SLC16A2: variants seen among roughly 807,000 people sequenced by gnomAD.
SLC16A2 encodes the protein monocarboxylate transporter 8.
A neutral mutation model predicts 27.2 loss-of-function variants in SLC16A2; 3 were observed. The observed-to-expected ratio is 0.11, with a 90% CI of 0.05 to 0.28. The LOEUF is 0.28. SLC16A2 is among the 10% of genes least tolerant of loss of function. The pLI, the probability that SLC16A2 is intolerant of heterozygous loss-of-function variation, is 1.00. For missense variants in SLC16A2, 295 were observed against 458.5 expected (o/e 0.64, Z 3.26); for synonymous variants, 202 against 187.8 (o/e 1.08, Z -0.62).
intron 1 of SLC16A2, among the ~76,000 whole-genome samples, chrX:74,501,034 G>A (rs754426512): frequency 1.9e-5 from 2 of 106,074 alleles, no homozygotes; most frequent in South Asian, 4.7e-4. Flanking sequence ...TGCAGTTTTC[G>A]CCATTGAGAG....
At chrX:74,463,774 G>A (rs903762842) in intron 1 of SLC16A2, among the ~76,000 whole-genome samples, 4 of 110,474 alleles carry the variant, frequency 3.6e-5, no homozygotes, top group Admixed American at 1.9e-4. Context: ...TGATCCACCC[G>A]CCTCTGTGTC....
chrX:74,467,238 T>G (rs762541288), intron 1 of SLC16A2, among the ~76,000 whole-genome samples: 2 of 111,650 alleles, frequency 1.8e-5, no homozygotes, highest in African/African-American at 6.5e-5. Context: ...CCCCTCATGA[T>G]ATAGACAGAG....
chrX:74,505,207 C>T (rs1268461666), intron 1 of SLC16A2, among the ~76,000 whole-genome samples: 1 of 111,439 alleles, frequency 9.0e-6, no homozygotes, highest in Non-Finnish European at 1.9e-5. Flanking sequence ...TGACAGAGGT[C>T]CCAGCCTTAT....
chrX:74,431,967 C>G (rs1341420940), intron 1 of SLC16A2, among the ~76,000 whole-genome samples: 1 of 111,867 alleles, frequency 8.9e-6, no homozygotes, highest in Non-Finnish European at 1.9e-5. Context: ...TAGCTAAATA[C>G]TAGCTGTGTT....
intron 1 of SLC16A2, among the ~76,000 whole-genome samples, chrX:74,431,023 T>C (rs1052931633): frequency 8.9e-5 from 10 of 112,987 alleles, no homozygotes; most frequent in Admixed American, 7.5e-4. Flanking sequence ...ATTACAGGCG[T>C]GTGCCACTGC....
At chrX:74,520,664 G>A (rs1233038715) in intron 1 of SLC16A2, among the ~76,000 whole-genome samples, 2 of 111,651 alleles carry the variant, frequency 1.8e-5, no homozygotes, top group East Asian at 2.8e-4. Context: ...CTGGAGACAA[G>A]CCTGACCTTA....
At chrX:74,514,106 G>C (rs1278550414) in intron 1 of SLC16A2, among the ~76,000 whole-genome samples, 1 of 111,430 alleles carries the variant, frequency 9.0e-6, no homozygotes, top group Non-Finnish European at 1.9e-5. Flanking sequence ...AACAAATGTA[G>C]CAAGATTGAA....
At chrX:74,434,700 C>T (rs1928590174) in intron 1 of SLC16A2, among the ~76,000 whole-genome samples, 1 of 111,138 alleles carries the variant, frequency 9.0e-6, no homozygotes, top group Non-Finnish European at 1.9e-5. Context: ...CAGCTCTCAA[C>T]CCCTCACTCT....
chrX:74,503,007 G>A (rs73494895), intron 1 of SLC16A2, among the ~76,000 whole-genome samples: 3 of 109,811 alleles, frequency 2.7e-5, no homozygotes, highest in African/African-American at 9.9e-5. Flanking sequence ...AATCCTGGCA[G>A]GTTCTTAGTG....
chrX:74,477,552 A>C (rs1929509331), intron 1 of SLC16A2, among the ~76,000 whole-genome samples: 1 of 111,170 alleles, frequency 9.0e-6, no homozygotes, highest in South Asian at 3.8e-4. Flanking sequence ...TTGCTTCTCT[A>C]GTTCTTTTAA....
At chrX:74,491,176 A>G (rs1929818435) in intron 1 of SLC16A2, among the ~76,000 whole-genome samples, 1 of 112,397 alleles carries the variant, frequency 8.9e-6, no homozygotes, top group African/African-American at 3.2e-5. Flanking sequence ...AGGGCCCGTG[A>G]CACAGCCCTC....
chrX:74,461,402 G>GAA (rs1929138390), intron 1 of SLC16A2, among the ~76,000 whole-genome samples: 1 of 88,975 alleles, frequency 1.1e-5, no homozygotes, highest in South Asian at 6.8e-4. Context: ...AAGGGAGAGA[G>GAA]AGAGAGTGTG....
rs1930573961 is a variant in SLC16A2 at position 74,531,833 on chromosome X, A to G, written c.*280A>G. The G allele has an allele frequency of 2.6e-6, 1 of 388,215 alleles. No individual in the cohort carries two copies. The highest frequency in any genetic ancestry group is 4.5e-6 in the Non-Finnish European group (1 of 220,519). 32.0% of individuals were successfully genotyped at this position (388,215 alleles called of 1,213,427 possible). ...TTTGGAACCTCTCCATATACTTTCTAAGCTCTGGGGGAGGAGGAGGATGGG... is the reference window on the plus strand; with the variant it reads ...TTTGGAACCTCTCCATATACTTTCTGAGCTCTGGGGGAGGAGGAGGATGGG... On this transcript the variant is annotated 3_prime_UTR_variant, in exon 6 of 6. Transcript: ENST00000587091.
At chrX:74,473,484 T>A in intron 1 of SLC16A2, 1 of 553,292 alleles carries the variant, frequency 1.8e-6, no homozygotes, top group Admixed American at 2.3e-5. Context: ...GAGTCATGGT[T>A]GTCAAAGGTT....
At position 74,519,503 on chromosome X, in the gene SLC16A2, G is replaced by A. The variant is rs778671126; in HGVS notation, c.431-1487G>A. Among the ~76,000 whole-genome samples, 9 of 102,627 alleles carry A rather than the reference G, an allele frequency of 8.8e-5. No individual in the cohort carries two copies. The South Asian group carries it at 1.5e-3, about 18-fold the overall frequency. 89.1% of individuals were successfully genotyped at this position (102,627 alleles called of 115,157 possible). A position where few individuals can be genotyped will look rare whatever the true frequency, so the allele number is the denominator to read the frequency against. On this transcript the variant is annotated intron_variant, in intron 1 of 5. Coordinates refer to ENST00000587091, the MANE Select transcript of SLC16A2 (RefSeq NM_006517.5). ...TGATCATCAGCGGATCACAAGGTCA[G>A]GAGATCGAGACCATCCTGGCTAACA...
At chrX:74,435,052 G>A (rs1159338942) in intron 1 of SLC16A2, among the ~76,000 whole-genome samples, 1 of 107,749 alleles carries the variant, frequency 9.3e-6, no homozygotes, top group East Asian at 2.9e-4. Flanking sequence ...GGCTGGTCTT[G>A]AACTCCTGAC....
At chrX:74,490,017 C>T (rs1301942497) in intron 1 of SLC16A2, among the ~76,000 whole-genome samples, 2 of 67,584 alleles carry the variant, frequency 3.0e-5, no homozygotes, top group African/African-American at 4.5e-5. Context: ...ACGCAAAGAT[C>T]CTATGGCTTT....
Position 74,531,488 on chromosome X carries a change from G to A in SLC16A2, c.1555G>A (p.Ala519Thr). The A allele has an allele frequency of 8.3e-7, 1 of 1,211,175 alleles. No individual in the cohort carries two copies. Among genetic ancestry groups the A allele is most frequent in the Non-Finnish European group, 1.1e-6 (1 of 895,378 alleles). ...QRDSSKDKML[A>T]PDPDPNGELL... is the part of the protein sequence containing the mutation. Reference sequence around the variant, plus strand: ...AGATTCCAGCAAGGATAAGATGTTGGCCCCTGACCCAGACCCCAATGGGGA... The same window carrying A: ...AGATTCCAGCAAGGATAAGATGTTGACCCCTGACCCAGACCCCAATGGGGA... The change falls in exon 6 of 6, where the codon GCC becomes ACC. Residue 519 changes from alanine to threonine, a missense_variant. This residue lies in a region of SLC16A2 where 144 missense variants were observed against 219.8 expected (regional missense o/e 0.66). Coordinates refer to ENST00000587091, the MANE Select transcript of SLC16A2 (RefSeq NM_006517.5).
intron 1 of SLC16A2, among the ~76,000 whole-genome samples, chrX:74,476,790 T>G (rs1330120131): frequency 5.4e-5 from 6 of 111,904 alleles, no homozygotes; most frequent in South Asian, 3.7e-4. Flanking sequence ...TTATTGATTT[T>G]TGTATGTTGA....
Sources: allele counts gnomAD v4.1 joint callset (sites outside exome capture counted in the v4.1 genomes callset), GRCh38; gene constraint gnomAD v4.1.1; regional missense constraint gnomAD v4.1.1; transcripts MANE v1.5; gene names NCBI Gene and HGNC (gene_info 2026-07-23, HGNC 2026-07-21).